The following SPATA6 variants were observed in gnomAD, a reference collection of about 807,000 sequenced individuals.
SPATA6 encodes spermatogenesis-associated protein 6.
SPATA6 carries 56 observed loss-of-function variants against 65.3 expected under a neutral mutation model. That is an observed-to-expected ratio of 0.86 (90% CI 0.69 to 1.07). SPATA6 has a LOEUF of 1.07. SPATA6 is among the 50% of genes least tolerant of loss of function. The pLI is 0.00. For synonymous variants in SPATA6, 199 were observed against 213.2 expected (o/e 0.93, Z 0.58); for missense variants, 590 against 594.8 (o/e 0.99, Z 0.08).
At chr1:48,448,587 C>T (rs1341517622) in intron 3 of SPATA6, among the ~76,000 whole-genome samples, 2 of 152,054 alleles carry the variant, frequency 1.3e-5, no homozygotes, top group African/African-American at 4.8e-5. Flanking sequence ...CATACTCATA[C>T]CAACATGGTT....
chr1:48,470,162 TACTC>T (rs1308271530), intron 1 of SPATA6, among the ~76,000 whole-genome samples: 4 of 152,212 alleles, frequency 2.6e-5, no homozygotes, highest in Admixed American at 2.6e-4. Flanking sequence ...ATACAACTAA[TACTC>T]AGGAGAAATG....
chr1:48,286,996 G>A, the SPATA6 span, among the ~76,000 whole-genome samples: 6 of 146,320 alleles, frequency 4.1e-5, no homozygotes, highest in Admixed American at 7.0e-5. Context: ...CCGAGATCAC[G>A]CCACTGCACT....
chr1:48,398,940 C>T, intron 7 of SPATA6: 1 of 154,592 alleles, frequency 6.5e-6, no homozygotes, highest in Non-Finnish European at 1.4e-5. Context: ...TAAAAGGAAA[C>T]TTACTTTCCA....
At chr1:48,431,492 G>A (rs570281713) in intron 3 of SPATA6, among the ~76,000 whole-genome samples, 1 of 152,124 alleles carries the variant, frequency 6.6e-6, no homozygotes, top group Admixed American at 6.5e-5. Context: ...AGTATATATG[G>A]GGTATATATG....
rs1644840193 is a variant in SPATA6 at position 48,297,740 on chromosome 1, G to A, written c.*973C>T. On this transcript the variant is annotated 3_prime_UTR_variant, in exon 13 of 13. Transcript: ENST00000371847. ...TTCACAGGTGTGTGCTGGGGTGGGGGAGGAGAAGTTAATTCTATCCATCAA... is the reference window on the plus strand; with the variant it reads ...TTCACAGGTGTGTGCTGGGGTGGGGAAGGAGAAGTTAATTCTATCCATCAA... 6.6e-6 allele frequency: 1 copy of A among 152,022 alleles called. No homozygotes were observed. Among genetic ancestry groups the A allele is most frequent in the Non-Finnish European group, 1.5e-5 (1 of 68,026 alleles). 9.4% of individuals were successfully genotyped at this position (152,022 alleles called of 1,614,324 possible). A position where few individuals can be genotyped will look rare whatever the true frequency, so the allele number is the denominator to read the frequency against.
intron 11 of SPATA6, among the ~76,000 whole-genome samples, chr1:48,334,439 T>C (rs1646003905): frequency 6.6e-6 from 1 of 151,988 alleles, no homozygotes. Context: ...GCCACCACAA[T>C]CAAGTAGACT....
At chr1:48,428,752 C>G (rs2250370) in intron 3 of SPATA6, among the ~76,000 whole-genome samples, 147,349 of 150,692 alleles carry the variant, frequency 0.98, 72,127 homozygotes, top group East Asian at 1. Context: ...ACTTAGTTCA[C>G]GGTCAACTGT....
chr1:48,350,923 G>T (rs112708389), intron 11 of SPATA6, among the ~76,000 whole-genome samples: 19 of 151,742 alleles, frequency 1.3e-4, no homozygotes, highest in Admixed American at 2.0e-4. Context: ...CTGGAATTTT[G>T]ATTAAGATTG....
chr1:48,310,875 ATG>A (rs1645188822), intron 11 of SPATA6, among the ~76,000 whole-genome samples: 1 of 152,216 alleles, frequency 6.6e-6, no homozygotes, highest in Non-Finnish European at 1.5e-5. Flanking sequence ...CATACAAAAT[ATG>A]TTACCTGGCC....
At chr1:48,304,256 G>A (rs935500336) in intron 12 of SPATA6, among the ~76,000 whole-genome samples, 1 of 152,146 alleles carries the variant, frequency 6.6e-6, no homozygotes, top group African/African-American at 2.4e-5. Context: ...ATATATATAA[G>A]AGAAGCAGCA....
At chr1:48,461,433 T>C (rs1196665704) in intron 1 of SPATA6, among the ~76,000 whole-genome samples, 1 of 152,144 alleles carries the variant, frequency 6.6e-6, no homozygotes, top group African/African-American at 2.4e-5. Flanking sequence ...TCCTGAATGG[T>C]AATGCCTAGG....
At chr1:48,361,063 C>A (rs745682744) in intron 9 of SPATA6, among the ~76,000 whole-genome samples, 22 of 152,068 alleles carry the variant, frequency 1.4e-4, no homozygotes, top group Non-Finnish European at 2.6e-4. Context: ...TATATTACAG[C>A]AGAGTTTGGG....
At chr1:48,375,971 A>C (rs1319212283) in intron 9 of SPATA6, among the ~76,000 whole-genome samples, 1 of 152,204 alleles carries the variant, frequency 6.6e-6, no homozygotes, top group Non-Finnish European at 1.5e-5. Flanking sequence ...TTATTTTTTA[A>C]TCCAGATTCT....
intron 9 of SPATA6, among the ~76,000 whole-genome samples, chr1:48,373,518 C>T (rs1205437243): frequency 1.3e-5 from 2 of 152,206 alleles, no homozygotes; most frequent in African/African-American, 4.8e-5. Flanking sequence ...ACTGTTCCAA[C>T]CTCTGCCTGT....
intron 7 of SPATA6, among the ~76,000 whole-genome samples, chr1:48,398,064 T>C (rs1045513560): frequency 5.9e-5 from 9 of 151,558 alleles, no homozygotes; most frequent in Non-Finnish European, 1.2e-4. Context: ...TAATTTGTAA[T>C]TGTGGGAAGA....
At chr1:48,347,668 T>C (rs1646408386) in intron 11 of SPATA6, among the ~76,000 whole-genome samples, 1 of 151,888 alleles carries the variant, frequency 6.6e-6, no homozygotes, top group Non-Finnish European at 1.5e-5. Flanking sequence ...GTGCTTACTA[T>C]CCCAGAGTCA....
intron 3 of SPATA6, among the ~76,000 whole-genome samples, chr1:48,418,926 A>AG (rs925642973): frequency 6.6e-6 from 1 of 151,782 alleles, no homozygotes; most frequent in African/African-American, 2.4e-5. Flanking sequence ...GGGAAAGGGA[A>AG]GGGAAGAAGA....
At chr1:48,427,473 C>T (rs995897434) in intron 3 of SPATA6, among the ~76,000 whole-genome samples, 2 of 148,500 alleles carry the variant, frequency 1.3e-5, no homozygotes, top group African/African-American at 2.5e-5. Context: ...TACAAACTAT[C>T]GTTCAGGAAA....
intron 11 of SPATA6, among the ~76,000 whole-genome samples, chr1:48,336,011 C>A (rs182764003): frequency 6.6e-6 from 1 of 151,828 alleles, no homozygotes; most frequent in East Asian, 1.9e-4. Flanking sequence ...ATACAATGCA[C>A]CAAAAAGCAT....
Sources: allele counts gnomAD v4.1 joint callset (sites outside exome capture counted in the v4.1 genomes callset), GRCh38; gene constraint gnomAD v4.1.1; transcripts MANE v1.5; gene names NCBI Gene and HGNC (gene_info 2026-07-23, HGNC 2026-07-21).